Variants in GOLIM4 observed in about 807,000 individuals in gnomAD.
The protein encoded by GOLIM4 is golgi integral membrane protein 4.
GOLIM4 carries 71 observed loss-of-function variants against 107.4 expected under a neutral mutation model. The ratio of observed to expected loss-of-function variants is 0.66; its 90% CI spans 0.55 to 0.81. The LOEUF is 0.81. Ranked by LOEUF, GOLIM4 falls within the 30% of genes least tolerant of loss-of-function variation. GOLIM4 has a pLI of 0.00. For synonymous variants in GOLIM4, 327 were observed against 294.8 expected, an observed-to-expected ratio of 1.11 and a Z score of -1.12; for missense variants, 830 against 826.1, an observed-to-expected ratio of 1.00 and a Z score of -0.06.
At chr3:168,026,196 G>T (rs929914727) in intron 12 of GOLIM4, among the ~76,000 whole-genome samples, 3 of 152,106 alleles carry the variant, frequency 2.0e-5, no homozygotes, top group African/African-American at 7.2e-5. Context: ...CTATTCTTGG[G>T]AACGTAGAGA....
At chr3:168,019,449 A>C (rs1263690491) in intron 14 of GOLIM4, among the ~76,000 whole-genome samples, 5 of 152,228 alleles carry the variant, frequency 3.3e-5, no homozygotes, top group Non-Finnish European at 5.9e-5. Flanking sequence ...ATTCCATAGT[A>C]GCATCTGATG....
At chr3:168,048,558 T>A (rs1031722519) in intron 1 of GOLIM4, among the ~76,000 whole-genome samples, 193 bp from the exon 2 acceptor site, 1 of 152,230 alleles carries the variant, frequency 6.6e-6, no homozygotes, top group Admixed American at 6.5e-5. Flanking sequence ...CTGGCTCCCA[T>A]CCAGCCTGCC....
intron 1 of GOLIM4, among the ~76,000 whole-genome samples, chr3:168,075,247 T>C (rs559268273): frequency 1.3e-5 from 2 of 150,544 alleles, no homozygotes; most frequent in Non-Finnish European, 3.0e-5. Context: ...TTCTTTAAGT[T>C]AGAAAACAAA....
At chr3:168,083,078 A>AATTCC (rs1401905318) in intron 1 of GOLIM4, among the ~76,000 whole-genome samples, 2 of 152,220 alleles carry the variant, frequency 1.3e-5, no homozygotes, top group Non-Finnish European at 2.9e-5. Context: ...GTGGAATTAT[A>AATTCC]ACTGTTCAGA....
At chr3:168,053,821 C>A (rs1469578157) in intron 1 of GOLIM4, among the ~76,000 whole-genome samples, 2 of 152,168 alleles carry the variant, frequency 1.3e-5, no homozygotes, top group Non-Finnish European at 2.9e-5. Flanking sequence ...CTTTTCCTTC[C>A]TTCTTCCATA....
intron 1 of GOLIM4, among the ~76,000 whole-genome samples, chr3:168,074,063 A>G (rs1237104903): frequency 6.6e-6 from 1 of 152,220 alleles, no homozygotes; most frequent in African/African-American, 2.4e-5. Flanking sequence ...GTGGGAAGCC[A>G]GCTGCCATGT....
intron 14 of GOLIM4, among the ~76,000 whole-genome samples, chr3:168,013,098 T>C (rs894244708): frequency 4.0e-5 from 6 of 151,272 alleles, no homozygotes; most frequent in African/African-American, 1.5e-4. Flanking sequence ...GACTGGCAAA[T>C]TGGATGAAGA....
intron 14 of GOLIM4, among the ~76,000 whole-genome samples, chr3:168,015,306 T>G (rs1189830466): frequency 6.8e-6 from 1 of 147,208 alleles, no homozygotes; most frequent in Non-Finnish European, 1.5e-5. Flanking sequence ...TCAAAGAGAA[T>G]AAAATACCCA....
Position 168,010,237 on chromosome 3 carries a change from T to C in GOLIM4, c.*32A>G. 1 of 1,592,894 alleles carries C rather than the reference T, an allele frequency of 6.3e-7. No homozygotes were observed. Among genetic ancestry groups the C allele is most frequent in the East Asian group, 2.2e-5 (1 of 44,584 alleles). On this transcript the variant is annotated 3_prime_UTR_variant, in exon 16 of 16. Transcript: ENST00000470487. ...GTTTGAGCAGCTTGAAAAGAATCCG[T>C]TGGCTGAGCGTTGTCTAGAAATTGG...
At chr3:168,067,427 AAC>A (rs1193909910) in intron 1 of GOLIM4, among the ~76,000 whole-genome samples, 1 of 151,338 alleles carries the variant, frequency 6.6e-6, no homozygotes, top group Non-Finnish European at 1.5e-5. Flanking sequence ...GGGGCCACCA[AAC>A]ACACACGCAC....
chr3:168,079,801 T>C (rs1721254337), intron 1 of GOLIM4, among the ~76,000 whole-genome samples: 1 of 152,100 alleles, frequency 6.6e-6, no homozygotes, highest in Non-Finnish European at 1.5e-5. Context: ...ATAAAATATA[T>C]CATTAATTTT....
chr3:168,087,436 A>G (rs1721684796), intron 1 of GOLIM4, among the ~76,000 whole-genome samples: 1 of 152,178 alleles, frequency 6.6e-6, no homozygotes. Context: ...AAAGCATTGA[A>G]AGGAAATAAG....
chr3:168,037,323 A>C (rs778000299), intron 7 of GOLIM4, among the ~76,000 whole-genome samples: 7 of 152,186 alleles, frequency 4.6e-5, no homozygotes, highest in Non-Finnish European at 8.8e-5. Flanking sequence ...GTTTTATCAT[A>C]TTAAAAAATC....
chr3:168,091,083 C>T (rs1721884584), intron 1 of GOLIM4, among the ~76,000 whole-genome samples: 1 of 152,192 alleles, frequency 6.6e-6, no homozygotes, highest in Non-Finnish European at 1.5e-5. Flanking sequence ...TTTGGGTGCA[C>T]TGAAAGCCCA....
At chr3:168,032,372 C>T (rs1172817125) in intron 9 of GOLIM4, 148 bp downstream of exon 9, 2 of 687,206 alleles carry the variant, frequency 2.9e-6, no homozygotes, top group Non-Finnish European at 5.1e-6. Flanking sequence ...ATTAACATTA[C>T]AAGAGAAAAC....
chr3:168,042,810 G>A lies in GOLIM4; in HGVS notation c.517+569C>T, dbSNP rs530685686. ...TTTCTCACACCAATTCTACAAGGTTGATATTTTTATGATTATCTCAATTTC... is the reference window on the plus strand; with the variant it reads ...TTTCTCACACCAATTCTACAAGGTTAATATTTTTATGATTATCTCAATTTC... On this transcript the variant is annotated intron_variant, in intron 5 of 15. Transcript: ENST00000470487. Among the ~76,000 whole-genome samples the A allele has an allele frequency of 3.9e-5, 6 of 152,278 alleles. No individual in the cohort carries two copies. In the East Asian group the frequency reaches 1.2e-3, roughly 29 times the overall value.
rs1341663269 is a variant in GOLIM4, at chr3:168,010,224, T to A, written c.*45A>T. 6.4e-7 allele frequency: 1 copy of A among 1,568,078 alleles called. No homozygotes were observed. Among genetic ancestry groups the A allele is most frequent in the African/African-American group, 1.4e-5 (1 of 73,092 alleles). On this transcript the variant is annotated 3_prime_UTR_variant, in exon 16 of 16. Transcript: ENST00000470487. Reference sequence around the variant, plus strand: ...TAGGCAGATTTATGTTTGAGCAGCTTGAAAAGAATCCGTTGGCTGAGCGTT... The same window carrying A: ...TAGGCAGATTTATGTTTGAGCAGCTAGAAAAGAATCCGTTGGCTGAGCGTT...
At position 168,041,443 on chromosome 3, in the gene GOLIM4, T is replaced by C. The variant is rs1164660230; in HGVS notation, c.549A>G (p.Arg183=). 3.2e-6 allele frequency: 5 copies of C among 1,573,204 alleles called. No individual in the cohort carries two copies. The highest frequency in any genetic ancestry group is 3.5e-6 in the Non-Finnish European group (4 of 1,144,276). ...TGTCTTGGTGTGCTTTCCTTAGTTG[T>C]CTATTCTCTTCTCTCAAATTGTATA... is the stretch of plus-strand genomic sequence containing the variant. The part of the protein sequence containing the change: ...ETVYNLREEN[R]QLRKAHQDIH... Residue 183 remains arginine, a synonymous_variant, in exon 6 of 16, where the codon AGA becomes AGG. Transcript: ENST00000470487.
At chr3:168,055,602 T>A (rs369718189) in intron 1 of GOLIM4, among the ~76,000 whole-genome samples, 1 of 151,810 alleles carries the variant, frequency 6.6e-6, no homozygotes, top group African/African-American at 2.4e-5. Flanking sequence ...ATCAAGACCA[T>A]CCTGGCTAAC....
Sources: allele counts gnomAD v4.1 joint callset (sites outside exome capture counted in the v4.1 genomes callset), GRCh38; gene constraint gnomAD v4.1.1; transcripts MANE v1.5; gene names NCBI Gene and HGNC (gene_info 2026-07-23, HGNC 2026-07-21).